The following STAC2 variants were observed in gnomAD, a reference collection of about 807,000 sequenced individuals.
The protein encoded by STAC2 is SH3 and cysteine-rich domain-containing protein 2.
STAC2 carries 36 observed loss-of-function variants against 49.0 expected under a neutral mutation model. That is an observed-to-expected ratio of 0.74 (90% CI 0.56 to 0.97). STAC2 has a LOEUF of 0.97. Among genes scored for constraint, STAC2 ranks in the 50% least tolerant of loss-of-function variants. The pLI is 0.00. For synonymous variants in STAC2, 239 were observed against 214.7 expected (o/e 1.11, Z -0.99); for missense variants, 527 against 543.8 (o/e 0.97, Z 0.31).
At position 39,213,016 on chromosome 17, in the gene STAC2, G is replaced by A. The variant is rs747691222; in HGVS notation, c.1110C>T (p.Tyr370=). The A allele has an allele frequency of 2.5e-6, 4 of 1,614,016 alleles. No individual in the cohort carries two copies. In the South Asian group the frequency reaches 4.4e-5, roughly 18 times the overall value. The change falls in exon 10 of 11, where the codon TAC becomes TAT. Residue 370 remains tyrosine, a synonymous_variant. Transcript: ENST00000333461. ...TCACCTGGTTCTCCTTGAGGCTCATGTAACCCTGTTCCTTGTTCCCGGAGA... is the reference window on the plus strand; with the variant it reads ...TCACCTGGTTCTCCTTGAGGCTCATATAACCCTGTTCCTTGTTCCCGGAGA... ...QPFSGNKEQG[Y]MSLKENQICV...
chr17:39,220,696 T>A (rs1280526421), intron 1 of STAC2, among the ~76,000 whole-genome samples: 2 of 152,102 alleles, frequency 1.3e-5, no homozygotes, highest in Non-Finnish European at 2.9e-5. Flanking sequence ...ATGGTCTTGA[T>A]CTCCTGACCT....
In STAC2 at chr17:39,214,450, C is replaced by T. The variant is rs1267848451; in HGVS notation, c.844-120G>A. 3.1e-5 allele frequency: 47 copies of T among 1,515,734 alleles called. No homozygotes were observed. In the East Asian group the frequency reaches 3.3e-4, roughly 11 times the overall value. The allele number at this position is 1,515,734 out of a possible 1,614,324, so 93.9% of individuals were successfully genotyped here. ...GGGGACACAGTGAGTCCTAGGTCAACGGCAGGGAGAAGTGAGACCCTCGTA... is the reference window on the plus strand; with the variant it reads ...GGGGACACAGTGAGTCCTAGGTCAATGGCAGGGAGAAGTGAGACCCTCGTA... On this transcript the variant is annotated intron_variant, in intron 7 of 10. Transcript: ENST00000333461.
Position 39,212,365 on chromosome 17 carries a change from G to C in STAC2, c.1163C>G (p.Ala388Gly). 6.2e-7 allele frequency: 1 copy of C among 1,611,812 alleles called. No individual in the cohort carries two copies. Among genetic ancestry groups the C allele is most frequent in the African/African-American group, 1.3e-5 (1 of 75,026 alleles). The change falls in exon 11 of 11, where the codon GCT becomes GGT. Residue 388 changes from alanine (A) to glycine (G), a missense_variant. Physicochemically the swap from Ala to Gly is moderately conservative, Grantham distance 60. Transcript: ENST00000333461. ...ICVGVGRSKDADGFIRVSSGK... is the reference protein window; with the variant it reads ...ICVGVGRSKDGDGFIRVSSGK... ...ACTGCTGACGCGGATGAAGCCGTCA[G>C]CATCCTTGCTTCTGCCCACGCCCAC... is the stretch of plus-strand genomic sequence containing the variant.
At chr17:39,221,660 C>T (rs763216979) in intron 1 of STAC2, among the ~76,000 whole-genome samples, 4 of 152,222 alleles carry the variant, frequency 2.6e-5, no homozygotes, top group Non-Finnish European at 5.9e-5. Context: ...CTTGAACCAG[C>T]GGCTTCGGCT....
Position 39,212,415 on chromosome 17 carries a change from G to A in STAC2, c.1132-19C>T, listed in dbSNP as rs1217569112. On this transcript the variant is annotated intron_variant, in intron 10 of 10. Coordinates refer to ENST00000333461, the MANE Select transcript of STAC2 (RefSeq NM_198993.5). ...CGCAGATCTGAGCCAGAGAGACATG[G>A]AGCTGAGGCCTGGCATGGCCTGCAG... 3 of 1,589,206 alleles carry A rather than the reference G, an allele frequency of 1.9e-6. No individual in the cohort carries two copies. Among genetic ancestry groups the A allele is most frequent in the Non-Finnish European group, 8.6e-7 (1 of 1,164,084 alleles).
rs763831001 is a variant in STAC2, at chr17:39,213,552, T to C, written c.948A>G (p.Gly316=). 6.2e-7 allele frequency: 1 copy of C among 1,613,492 alleles called. No homozygotes were observed. Among genetic ancestry groups the C allele is most frequent in the Non-Finnish European group, 8.5e-7 (1 of 1,179,764 alleles). ...AGTCATCCACCAGCATGATCCGATC[T>C]CCAGGCCTGGGGAGGACAGAGCTAG... ...QENNDLALQP[G]DRIMLVDDSN... The change falls in exon 9 of 11, where the codon GGA becomes GGG. Residue 316 remains glycine (G), a synonymous_variant. Transcript: ENST00000333461.
Position 39,225,429 on chromosome 17 carries a change from G to T in STAC2, c.74C>A (p.Ala25Asp). Residue 25 changes from alanine to aspartate, a missense_variant, in exon 1 of 11, where the codon GCC (alanine) becomes GAC (aspartate). Coordinates refer to ENST00000333461, the MANE Select transcript of STAC2 (RefSeq NM_198993.5). The surrounding 1 kb of genome is among the most constrained non-coding windows in gnomAD (Gnocchi z 8.2). ...ATHSPPGTVSALQETKLQRFK... is the reference protein window; with the variant it reads ...ATHSPPGTVSDLQETKLQRFK... ...CCAAGTTACCTTGGTTTCCTGGAGG[G>T]CGGAGACGGTCCCTGGGGGGCTGTG... 6.2e-7 allele frequency: 1 copy of T among 1,605,762 alleles called. No homozygotes were observed.
Position 39,212,054 on chromosome 17 carries a change from T to TTCCCACC in STAC2, c.*237_*238insGGTGGGA. 4.7e-6 allele frequency: 1 copy of TTCCCACC among 214,682 alleles called. No individual in the cohort carries two copies. Among genetic ancestry groups the TTCCCACC allele is most frequent in the Non-Finnish European group, 9.5e-6 (1 of 105,018 alleles). 13.3% of individuals were successfully genotyped at this position (214,682 alleles called of 1,614,324 possible). A position where few individuals can be genotyped will look rare whatever the true frequency, so the allele number is the denominator to read the frequency against. On this transcript the variant is annotated 3_prime_UTR_variant, in exon 11 of 11. Transcript: ENST00000333461. Reference sequence around the variant, plus strand: ...GTGGACCTACCTGTAGCTTCCTCATTCCCTCCCACCCCACCCCATCCCCGC... The same window carrying TTCCCACC: ...GTGGACCTACCTGTAGCTTCCTCATTTCCCACCCCCTCCCACCCCACCCCATCCCCGC...
intron 1 of STAC2, among the ~76,000 whole-genome samples, chr17:39,223,358 C>T (rs2046480089): frequency 6.6e-6 from 1 of 152,206 alleles, no homozygotes; most frequent in African/African-American, 2.4e-5. Context: ...ACCCCCGACC[C>T]AACCCACAGC....
At chr17:39,221,228 T>C (rs2046459555) in intron 1 of STAC2, among the ~76,000 whole-genome samples, 1 of 152,112 alleles carries the variant, frequency 6.6e-6, no homozygotes, top group Non-Finnish European at 1.5e-5. Context: ...CCCAAGTAGA[T>C]GGGATTACAG....
At chr17:39,213,191 T>C in intron 9 of STAC2, 59 bp from the exon 10 acceptor site, 2 of 1,592,108 alleles carry the variant, frequency 1.3e-6, no homozygotes, top group Admixed American at 1.7e-5. Flanking sequence ...TGCCCACCAC[T>C]GCTTTCTCCA....
chr17:39,215,092 A>C, intron 5 of STAC2, 26 bp downstream of exon 5: 1 of 1,613,884 alleles, frequency 6.2e-7, no homozygotes, highest in Non-Finnish European at 8.5e-7. Flanking sequence ...CCTCCCCAAA[A>C]GACCCCCCCT....
Position 39,213,668 on chromosome 17 carries a change from G to T in STAC2, c.942-110C>A, listed in dbSNP as rs547391252. 870 of 639,818 alleles carry T rather than the reference G, an allele frequency of 1.4e-3. 4 individuals carry two copies. The African/African-American group carries it at 0.014, about 10-fold the overall frequency. The allele number at this position is 639,818 out of a possible 1,614,324, so 39.6% of individuals were successfully genotyped here. On this transcript the variant is annotated intron_variant, in intron 8 of 10. Coordinates refer to ENST00000333461, the MANE Select transcript of STAC2 (RefSeq NM_198993.5). ...ACTGCAGTCCTCAGCTGGGAGAGAC[G>T]ATTCTTTTTTTTTTTTTTTTTTTTT...
chr17:39,212,434 C>A, intron 10 of STAC2, 38 bp from the exon 11 acceptor site: 1 of 1,531,668 alleles, frequency 6.5e-7, no homozygotes, highest in Non-Finnish European at 8.9e-7. Context: ...CCTGGCATGG[C>A]CTGCAGCCCT....
chr17:39,222,939 G>A (rs1345486732), intron 1 of STAC2, among the ~76,000 whole-genome samples: 3 of 152,206 alleles, frequency 2.0e-5, no homozygotes, highest in Non-Finnish European at 4.4e-5. Context: ...AGCAGAGATG[G>A]CATGGGGTGG....
At chr17:39,214,765 C>T in intron 7 of STAC2, 26 bp downstream of exon 7, 1 of 1,612,216 alleles carries the variant, frequency 6.2e-7, no homozygotes. Context: ...CCCTGACCTT[C>T]CGGGCCAATG....
intron 8 of STAC2, among the ~76,000 whole-genome samples, chr17:39,213,974 G>A (rs975829510): frequency 2.0e-5 from 3 of 152,132 alleles, no homozygotes; most frequent in South Asian, 2.1e-4. Context: ...ACCGCGCCCC[G>A]CTGGGAGAGG....
In STAC2 at chr17:39,225,850, C is replaced by A; in HGVS notation, c.-348G>T. 1 of 257,354 alleles carries A rather than the reference C, an allele frequency of 3.9e-6. No homozygotes were observed. The highest frequency in any genetic ancestry group is 7.5e-6 in the Non-Finnish European group (1 of 133,470). 15.9% of individuals were successfully genotyped at this position (257,354 alleles called of 1,614,324 possible). On this transcript the variant is annotated 5_prime_UTR_variant, in exon 1 of 11. Transcript: ENST00000333461. This position sits in a 1 kb window ranked among gnomAD's most constrained non-coding sequence, Gnocchi z 8.2. ...GCTGTCCGTGTCCAGCCGGCTCCGCCGTCCGCTGCGCCCGCCCCCCATCCC... is the reference window on the plus strand; with the variant it reads ...GCTGTCCGTGTCCAGCCGGCTCCGCAGTCCGCTGCGCCCGCCCCCCATCCC...
At position 39,212,225 on chromosome 17, in the gene STAC2, C is replaced by A. The variant is rs573856502; in HGVS notation, c.*67G>T. ...TATGGAGTGGACAAGGGGGCCTGAT[C>A]CCCTCCCTGGCCAGAAGCAAGGTCC... is the stretch of plus-strand genomic sequence containing the variant. On this transcript the variant is annotated 3_prime_UTR_variant, in exon 11 of 11. Coordinates refer to ENST00000333461, the MANE Select transcript of STAC2 (RefSeq NM_198993.5). 6.3e-5 allele frequency: 76 copies of A among 1,204,580 alleles called. No homozygotes were observed. In the African/African-American group the frequency reaches 1.1e-3, roughly 17 times the overall value. 74.6% of individuals were successfully genotyped at this position (1,204,580 alleles called of 1,614,324 possible). A position where few individuals can be genotyped will look rare whatever the true frequency, so the allele number is the denominator to read the frequency against.
Sources: allele counts gnomAD v4.1 joint callset (sites outside exome capture counted in the v4.1 genomes callset), GRCh38; gene constraint gnomAD v4.1.1; non-coding constraint Gnocchi (gnomAD v3.1); transcripts MANE v1.5; gene names NCBI Gene and HGNC (gene_info 2026-07-23, HGNC 2026-07-21).